The following FUT8 variants were observed in gnomAD, a reference collection of about 807,000 sequenced individuals.
FUT8 encodes alpha-(1,6)-fucosyltransferase.
A neutral mutation model predicts 71.3 loss-of-function variants in FUT8; 29 were observed. The ratio of observed to expected loss-of-function variants is 0.41; its 90% CI spans 0.30 to 0.55. The LOEUF (loss-of-function observed/expected upper bound fraction) is 0.55, where lower values mean the gene tolerates loss of function less well. Ranked by LOEUF, FUT8 falls within the 20% of genes least tolerant of loss-of-function variation. The probability of loss-of-function intolerance (pLI) is 0.34; values close to 1 mark genes in which losing one functional copy is unlikely to be tolerated. For missense variants in FUT8, 544 were observed against 702.1 expected (o/e 0.77, Z 2.55); for synonymous variants, 254 against 239.3 (o/e 1.06, Z -0.57).
At chr14:65,482,127 C>T (rs2066340294) in intron 2 of FUT8, among the ~76,000 whole-genome samples, 1 of 152,052 alleles carries the variant, frequency 6.6e-6, no homozygotes, top group South Asian at 2.1e-4. Flanking sequence ...GTATTTAGAC[C>T]TATGATGCAT....
At chr14:65,533,741 A>C (rs1884106819) in intron 2 of FUT8, among the ~76,000 whole-genome samples, 1 of 152,044 alleles carries the variant, frequency 6.6e-6, no homozygotes, top group Non-Finnish European at 1.5e-5. Flanking sequence ...TTGCCCATTC[A>C]GTGTGATGTT....
chr14:65,727,662 G>A (rs952060639), intron 9 of FUT8, among the ~76,000 whole-genome samples: 2 of 152,272 alleles, frequency 1.3e-5, no homozygotes, highest in East Asian at 3.9e-4. Context: ...ATACCCTGGA[G>A]ACATTTTCCC....
Position 65,677,114 on chromosome 14 carries a change from TTGTGTGTGTG to T in FUT8, c.835+7663_835+7672del, listed in dbSNP as rs1555383258. The stretch of plus-strand genomic sequence containing the variant: ...AGTTCCATTGGAAAGAAAGACATAT[TTGTGTGTGTG>T]TGTGTGTGTGTGTGTGTGTGTGTGT... On this transcript the variant is annotated intron_variant, in intron 7 of 10. Coordinates refer to ENST00000673929, the MANE Select transcript of FUT8 (RefSeq NM_001371533.1). 3.2e-3 allele frequency among the ~76,000 whole-genome samples: 358 copies of T among 110,268 alleles called. 3 individuals carry two copies. Among genetic ancestry groups the T allele is most frequent in the Middle Eastern group, 0.021 (4 of 190 alleles). 72.3% of individuals were successfully genotyped at this position (110,268 alleles called of 152,430 possible). A position where few individuals can be genotyped will look rare whatever the true frequency, so the allele number is the denominator to read the frequency against.
chr14:65,467,516 G>A lies in FUT8; in HGVS notation c.-228+11798G>A, dbSNP rs956577283. ...TTTTGAGACAGAGTCTCACACTGTC[G>A]CCCGGGCTGGAGTGCAGTGGTGTGA... On this transcript the variant is annotated intron_variant, in intron 2 of 10. Transcript: ENST00000673929. This position sits in a 1 kb window ranked among gnomAD's most constrained non-coding sequence, Gnocchi z 4.1. Among the ~76,000 whole-genome samples, 11 of 150,770 alleles carry A rather than the reference G, an allele frequency of 7.3e-5. No individual in the cohort carries two copies. The highest frequency in any genetic ancestry group is 2.4e-5 in the African/African-American group (1 of 40,910).
chr14:65,673,049 AAATGT>A (rs1409296766), intron 7 of FUT8, among the ~76,000 whole-genome samples: 1 of 152,250 alleles, frequency 6.6e-6, no homozygotes, highest in African/African-American at 2.4e-5. Context: ...TTAATATGAT[AAATGT>A]AATTGGAAAA....
intron 5 of FUT8, among the ~76,000 whole-genome samples, chr14:65,624,764 C>T (rs139849276): frequency 6.6e-6 from 1 of 152,328 alleles, no homozygotes. Context: ...ACATCTCCAG[C>T]ACGATACTGT....
In FUT8 at chr14:65,616,351, T is replaced by C; in HGVS notation, c.460T>C (p.Leu154=). ...ELQRHADEFL[L]DLGHHERSIM... is the part of the protein sequence containing the mutation. ...CCAAAGACATGCAGATGAATTTCTT[T>C]TGGATTTAGGACATCATGAAAGGTA... The change falls in exon 5 of 11, where the codon TTG becomes CTG. Residue 154 remains leucine, a synonymous_variant. Coordinates refer to ENST00000673929, the MANE Select transcript of FUT8 (RefSeq NM_001371533.1). 1 of 1,604,922 alleles carries C rather than the reference T, an allele frequency of 6.2e-7. No individual in the cohort carries two copies. The highest frequency in any genetic ancestry group is 8.5e-7 in the Non-Finnish European group (1 of 1,176,874).
At chr14:65,402,196 A>ATTTTTTTT in the FUT8 span, among the ~76,000 whole-genome samples, 1 of 75,832 alleles carries the variant, frequency 1.3e-5, no homozygotes, top group Non-Finnish European at 2.5e-5. Flanking sequence ...ATGGAGTGTG[A>ATTTTTTTT]TTTTTTTTTT....
chr14:65,513,663 C>T (rs201383078), intron 2 of FUT8, among the ~76,000 whole-genome samples: 6 of 112,950 alleles, frequency 5.3e-5, no homozygotes, highest in Non-Finnish European at 7.7e-5. Context: ...AACAAAAAAT[C>T]GATCAAACTT....
At chr14:65,420,815 C>T (rs1006578298) in intron 1 of FUT8, among the ~76,000 whole-genome samples, 21 of 151,980 alleles carry the variant, frequency 1.4e-4, no homozygotes, top group African/African-American at 1.9e-4. Flanking sequence ...CCAGCCTTAC[C>T]GATGACATAG....
intron 2 of FUT8, chr14:65,457,799 C>A (rs1004296940): frequency 6.6e-6 from 1 of 152,176 alleles, no homozygotes; most frequent in Non-Finnish European, 1.5e-5. Context: ...TTTTTAACTA[C>A]TAGGTTTAGG....
the FUT8 span, among the ~76,000 whole-genome samples, chr14:65,371,948 T>C: frequency 2.4e-3 from 364 of 152,222 alleles, no homozygotes; most frequent in Middle Eastern, 0.014. Context: ...ACATCTCTAG[T>C]TTTCTATTTA....
intron 1 of FUT8, among the ~76,000 whole-genome samples, chr14:65,453,551 A>G (rs916229148): frequency 1.3e-5 from 2 of 152,040 alleles, no homozygotes; most frequent in Non-Finnish European, 2.9e-5. Context: ...TTTAAGCTCT[A>G]TTGGGATCAT....
chr14:65,662,867 C>A (rs983507451), intron 6 of FUT8, among the ~76,000 whole-genome samples: 4 of 152,272 alleles, frequency 2.6e-5, no homozygotes, highest in Admixed American at 2.6e-4. Context: ...ACCTCTCTAT[C>A]CAAGCTCTTT....
chr14:65,430,347 A>G (rs2065454129), intron 1 of FUT8: 1 of 152,096 alleles, frequency 6.6e-6, no homozygotes, highest in Admixed American at 6.6e-5. Flanking sequence ...TCTTTTGAAA[A>G]TGTGTTATGC....
chr14:65,394,750 CTTTT>C, the FUT8 span, among the ~76,000 whole-genome samples: 1 of 132,578 alleles, frequency 7.5e-6, no homozygotes, highest in East Asian at 2.2e-4. Context: ...GCAGTCAAAT[CTTTT>C]TTTTTTTTTT....
At position 65,443,932 on chromosome 14, in the gene FUT8, A is replaced by G. The variant is rs181794244; in HGVS notation, c.-325-11689A>G. On this transcript the variant is annotated intron_variant, in intron 1 of 10. Transcript: ENST00000673929. ...TTTTGGAAAGATGAGAAGTAACTTGACAAGCTTTTTAATGTTTTCAATAAG... is the reference window on the plus strand; with the variant it reads ...TTTTGGAAAGATGAGAAGTAACTTGGCAAGCTTTTTAATGTTTTCAATAAG... 2.7e-3 allele frequency among the ~76,000 whole-genome samples: 406 copies of G among 152,308 alleles called. 4 individuals are homozygous for G. Among genetic ancestry groups the G allele is most frequent in the African/African-American group, 9.3e-3 (387 of 41,570 alleles).
chr14:65,484,471 G>GT (rs1225191813), intron 2 of FUT8, among the ~76,000 whole-genome samples: 2 of 151,734 alleles, frequency 1.3e-5, no homozygotes, highest in African/African-American at 4.8e-5. Context: ...AATTTTGTCA[G>GT]TTTTTTTTAA....
chr14:65,655,686 T>C (rs1464114357), intron 6 of FUT8, among the ~76,000 whole-genome samples: 1 of 152,138 alleles, frequency 6.6e-6, no homozygotes, highest in African/African-American at 2.4e-5. Context: ...CAGACAAATA[T>C]AGTTGGAGAC....
Sources: allele counts gnomAD v4.1 joint callset (sites outside exome capture counted in the v4.1 genomes callset), GRCh38; gene constraint gnomAD v4.1.1; non-coding constraint Gnocchi (gnomAD v3.1); transcripts MANE v1.5; gene names NCBI Gene and HGNC (gene_info 2026-07-23, HGNC 2026-07-21).